DGKG: variants seen among roughly 807,000 people sequenced by gnomAD.
The protein encoded by DGKG is DAG kinase gamma.
DGKG carries 78 observed loss-of-function variants against 105.3 expected under a neutral mutation model. The ratio of observed to expected loss-of-function variants is 0.74; its 90% confidence interval spans 0.62 to 0.89. DGKG has a LOEUF of 0.89. Among genes scored for constraint, DGKG ranks in the 40% least tolerant of loss-of-function variants. The pLI is 0.00. For missense variants in DGKG, 958 were observed against 1,020.1 expected (o/e 0.94, Z 0.83); for synonymous variants, 346 against 367.1 (o/e 0.94, Z 0.66).
intron 23 of DGKG, among the ~76,000 whole-genome samples, chr3:186,163,929 G>A (rs1342168041): frequency 6.6e-6 from 1 of 152,168 alleles, no homozygotes; most frequent in Admixed American, 6.5e-5. Context: ...GGAGAGCAAA[G>A]CTTTGGGGAA....
At chr3:186,259,231 C>T (rs78106428) in intron 16 of DGKG, among the ~76,000 whole-genome samples, 1,608 of 152,292 alleles carry the variant, frequency 0.011, 32 homozygotes, top group African/African-American at 0.037. Context: ...AGCCACCTGG[C>T]TCGTCGTCTC....
chr3:186,339,869 C>T (rs1476927427), intron 1 of DGKG, among the ~76,000 whole-genome samples: 1 of 152,194 alleles, frequency 6.6e-6, no homozygotes, highest in Non-Finnish European at 1.5e-5. Flanking sequence ...ATGACATTTC[C>T]TATATTTGTG....
intron 24 of DGKG, 73 bp from the exon 25 acceptor site, chr3:186,150,261 G>A (rs1715694823): frequency 2.6e-6 from 4 of 1,522,564 alleles, no homozygotes; most frequent in Non-Finnish European, 3.5e-6. Flanking sequence ...GAGTCGCAGA[G>A]AAAGGAAAGG....
chr3:186,151,383 G>T (rs536000118), intron 24 of DGKG, among the ~76,000 whole-genome samples: 1 of 152,198 alleles, frequency 6.6e-6, no homozygotes, highest in Non-Finnish European at 1.5e-5. Flanking sequence ...AACCATCAAC[G>T]AGTTTAAATC....
At chr3:186,161,250 C>T in intron 24 of DGKG, 1 of 1,045,298 alleles carries the variant, frequency 9.6e-7, no homozygotes, top group Non-Finnish European at 1.2e-6. Flanking sequence ...GAACAGTCTT[C>T]CTTTTGAGGT....
intron 22 of DGKG, among the ~76,000 whole-genome samples, chr3:186,175,522 C>A (rs1405610473): frequency 1.3e-5 from 2 of 152,116 alleles, no homozygotes. Flanking sequence ...GGAGGCAGTG[C>A]CCCGGCAGAG....
intron 3 of DGKG, among the ~76,000 whole-genome samples, chr3:186,299,018 A>G (rs17788325): frequency 0.17 from 25,522 of 152,230 alleles, 2,753 homozygotes; most frequent in Non-Finnish European, 0.24. Context: ...CTCTCCCAGT[A>G]CCGCCTGGCT....
chr3:186,251,738 G>A, intron 19 of DGKG, 21 bp downstream of exon 19: 1 of 1,613,934 alleles, frequency 6.2e-7, no homozygotes, highest in Non-Finnish European at 8.5e-7. Flanking sequence ...CATACAGAAA[G>A]GTGATCTTTG....
intron 21 of DGKG, among the ~76,000 whole-genome samples, chr3:186,188,658 G>A (rs771743194): frequency 6.6e-6 from 1 of 152,110 alleles, no homozygotes; most frequent in Non-Finnish European, 1.5e-5. Flanking sequence ...GTGCTTTAGG[G>A]CTGGTTCTTA....
At chr3:186,205,669 C>T (rs1422923814) in intron 21 of DGKG, among the ~76,000 whole-genome samples, 1 of 151,952 alleles carries the variant, frequency 6.6e-6, no homozygotes, top group Non-Finnish European at 1.5e-5. Flanking sequence ...GAGATTGCAC[C>T]ACCGCACTCC....
At chr3:186,153,355 G>C (rs1406511572) in intron 24 of DGKG, among the ~76,000 whole-genome samples, 1 of 152,132 alleles carries the variant, frequency 6.6e-6, no homozygotes, top group African/African-American at 2.4e-5. Context: ...GATAGAAAGA[G>C]GTCATCCCAC....
At chr3:186,152,560 G>C (rs888721246) in intron 24 of DGKG, among the ~76,000 whole-genome samples, 1 of 152,232 alleles carries the variant, frequency 6.6e-6, no homozygotes, top group African/African-American at 2.4e-5. Context: ...ACACACTGTG[G>C]AAGTACTGAC....
At chr3:186,303,067 A>G (rs1724055437) in intron 3 of DGKG, among the ~76,000 whole-genome samples, 1 of 152,096 alleles carries the variant, frequency 6.6e-6, no homozygotes. Context: ...TCCTGCTACT[A>G]TATCTGTCAC....
intron 20 of DGKG, among the ~76,000 whole-genome samples, chr3:186,213,344 C>A (rs958002557): frequency 6.6e-6 from 1 of 152,220 alleles, no homozygotes; most frequent in South Asian, 2.1e-4. Context: ...ACAGGCTGAG[C>A]CCCAATGCCA....
chr3:186,240,698 T>C lies in DGKG; in HGVS notation c.1826+1806A>G, dbSNP rs1720641403. 2.6e-5 allele frequency among the ~76,000 whole-genome samples: 4 copies of C among 151,590 alleles called. No individual in the cohort carries two copies. In the South Asian group the frequency reaches 6.3e-4, roughly 24 times the overall value. On this transcript the variant is annotated intron_variant, in intron 20 of 24. Coordinates refer to ENST00000265022, the MANE Select transcript of DGKG (RefSeq NM_001346.3). ...GGTAGTGGGTGCCTGTAATCCCAGC[T>C]ACTTGGGAGGCTGAGACGGAAGAAT...
intron 21 of DGKG, among the ~76,000 whole-genome samples, chr3:186,198,305 C>T (rs2108508837): frequency 6.6e-6 from 1 of 152,276 alleles, no homozygotes; most frequent in East Asian, 1.9e-4. Flanking sequence ...TCAAGTGGTC[C>T]TCTGATCACA....
At chr3:186,214,785 G>A (rs767659104) in intron 20 of DGKG, among the ~76,000 whole-genome samples, 2 of 152,182 alleles carry the variant, frequency 1.3e-5, no homozygotes, top group African/African-American at 2.4e-5. Flanking sequence ...GAGAAGGTGT[G>A]CCTGGTACAA....
chr3:186,281,760 T>C (rs1456453046), intron 7 of DGKG, among the ~76,000 whole-genome samples: 1 of 152,194 alleles, frequency 6.6e-6, no homozygotes, highest in African/African-American at 2.4e-5. Context: ...AATCTCTGGT[T>C]GGGTCCAAGA....
In DGKG at chr3:186,320,249, T is replaced by A. The variant is rs1578830253; in HGVS notation, c.67+144A>T. ...TGCGTTTTTATGTTAAATACACTAA[T>A]TCTGTGTTTATAAGGAAATATAAGC... On this transcript the variant is annotated intron_variant, in intron 2 of 24. Transcript: ENST00000265022. 1.4e-5 allele frequency: 13 copies of A among 943,936 alleles called. No individual in the cohort carries two copies. In the South Asian group the frequency reaches 2.5e-4, roughly 18 times the overall value. 58.5% of individuals were successfully genotyped at this position (943,936 alleles called of 1,614,324 possible).
Sources: gnomAD v4.1 joint callset for allele counts (sites outside exome capture counted in the v4.1 genomes callset) on GRCh38, gnomAD v4.1.1 for gene constraint, MANE v1.5 for transcripts, NCBI Gene and HGNC (gene_info 2026-07-23, HGNC 2026-07-21) for gene names.